HPS6: variants seen among roughly 807,000 people sequenced by gnomAD.
HPS6 encodes HPS6 biogenesis of lysosomal organelles complex 2 subunit 3.
A neutral mutation model predicts 53.6 loss-of-function variants in HPS6; 46 were observed. That is an observed-to-expected ratio of 0.86 (90% CI 0.68 to 1.10). The LOEUF is 1.10. HPS6 is among the 50% of genes least tolerant of loss of function. The pLI is 0.00. For missense variants in HPS6, 1,034 were observed against 991.3 expected (o/e 1.04, Z -0.58); for synonymous variants, 535 against 470.8 (o/e 1.14, Z -1.77).
chr10:102,065,386 C>A lies in HPS6; in HGVS notation c.-89C>A. On this transcript the variant is annotated 5_prime_UTR_variant, in exon 1 of 1. Transcript: ENST00000299238. ...CATCCACGGGAGACGGAAGTCTTGG[C>A]CCTGCTCCGCTCCCCCGAGAATCGG... 7.3e-7 allele frequency: 1 copy of A among 1,361,662 alleles called. No homozygotes were observed. The allele number at this position is 1,361,662 out of a possible 1,614,324, so 84.3% of individuals were successfully genotyped here.
rs752065991 is a variant in HPS6 at position 102,066,528 on chromosome 10, A to C, written c.1054A>C (p.Arg352=). Residue 352 remains arginine, a synonymous_variant, in exon 1 of 1, where the codon AGG becomes CGG. Coordinates refer to ENST00000299238, the MANE Select transcript of HPS6 (RefSeq NM_024747.6). ...LLERKVLSTD[R]VHLLEPPAPG... ...GGAGAGGAAGGTCCTAAGTACAGAC[A>C]GGGTACATCTGCTAGAACCGCCAGC... is the stretch of plus-strand genomic sequence containing the variant. 6.2e-7 allele frequency: 1 copy of C among 1,614,176 alleles called. No homozygotes were observed. The highest frequency in any genetic ancestry group is 1.7e-5 in the Admixed American group (1 of 60,028).
At position 102,067,063 on chromosome 10, in the gene HPS6, A is replaced by T; in HGVS notation, c.1589A>T (p.Asp530Val). ...CTCAGGGCCCTGCAGCTCCAGCTAGATGGGAATGGCAAGCTGAGGTCCCAA... is the reference window on the plus strand; with the variant it reads ...CTCAGGGCCCTGCAGCTCCAGCTAGTTGGGAATGGCAAGCTGAGGTCCCAA... Reference protein sequence around the residue: ...ATLRALQLQLDGNGKLRSQAP... With the variant: ...ATLRALQLQLVGNGKLRSQAP... The change falls in exon 1 of 1, where the codon GAT becomes GTT. Residue 530 changes from aspartate (D) to valine (V), a missense_variant. Asp to Val is a radical substitution (Grantham distance 152). Coordinates refer to ENST00000299238, the MANE Select transcript of HPS6 (RefSeq NM_024747.6). The T allele has an allele frequency of 6.2e-7, 1 of 1,614,184 alleles. No homozygotes were observed.
chr10:102,067,636 C>T lies in HPS6; in HGVS notation c.2162C>T (p.Pro721Leu). ...YLPDEVGPPT[P>L]FPEPGAEPPL... ...CCAGATGAGGTGGGGCCCCCAACCCCATTCCCTGAGCCTGGAGCAGAGCCC... is the reference window on the plus strand; with the variant it reads ...CCAGATGAGGTGGGGCCCCCAACCCTATTCCCTGAGCCTGGAGCAGAGCCC... The change falls in exon 1 of 1, where the codon CCA (proline) becomes CTA (leucine). Residue 721 changes from proline (P) to leucine (L), a missense_variant. Transcript: ENST00000299238. The T allele has an allele frequency of 6.2e-7, 1 of 1,614,000 alleles. No homozygotes were observed. The highest frequency in any genetic ancestry group is 8.5e-7 in the Non-Finnish European group (1 of 1,180,032).
rs1027539104 is a variant in HPS6, at chr10:102,067,915, G to A, written c.*113G>A. On this transcript the variant is annotated 3_prime_UTR_variant, in exon 1 of 1. Transcript: ENST00000299238. ...CAGGAAATCATTTCTAGGACACAGT[G>A]ATCAGGGAAGGGTGCCTGGGACTTG... 1.5e-6 allele frequency: 2 copies of A among 1,297,570 alleles called. No individual in the cohort carries two copies. Among genetic ancestry groups the A allele is most frequent in the East Asian group, 4.7e-5 (2 of 42,932 alleles). 80.4% of individuals were successfully genotyped at this position (1,297,570 alleles called of 1,614,324 possible). A position where few individuals can be genotyped will look rare whatever the true frequency, so the allele number is the denominator to read the frequency against.
Position 102,067,906 on chromosome 10 carries a change from G to A in HPS6, c.*104G>A. On this transcript the variant is annotated 3_prime_UTR_variant, in exon 1 of 1. Coordinates refer to ENST00000299238, the MANE Select transcript of HPS6 (RefSeq NM_024747.6). ...TCACTGACACAGGAAATCATTTCTA[G>A]GACACAGTGATCAGGGAAGGGTGCC... The A allele has an allele frequency of 2.2e-6, 3 of 1,371,638 alleles. No individual in the cohort carries two copies. The highest frequency in any genetic ancestry group is 3.1e-6 in the Non-Finnish European group (3 of 963,352). The allele number at this position is 1,371,638 out of a possible 1,614,324, so 85.0% of individuals were successfully genotyped here.
At position 102,066,999 on chromosome 10, in the gene HPS6, GT is replaced by G; in HGVS notation, c.1529del (p.Phe510SerfsTer20). ...IGDQLAQLNT[V>X]FQALPTAAWG... ...AGACCAGCTAGCCCAGCTCAACACC[GT>G]TTTCCAAGCCCTTCCTACAGCAGCC... On this transcript the variant is annotated frameshift_variant, in exon 1 of 1. Coordinates refer to ENST00000299238, the MANE Select transcript of HPS6 (RefSeq NM_024747.6). LOFTEE classifies it high-confidence loss of function. 6.2e-7 allele frequency: 1 copy of G among 1,614,198 alleles called. No homozygotes were observed. The highest frequency in any genetic ancestry group is 1.1e-5 in the South Asian group (1 of 91,088).
At position 102,065,459 on chromosome 10, in the gene HPS6, C is replaced by T; in HGVS notation, c.-16C>T. 2 of 1,549,066 alleles carry T rather than the reference C, an allele frequency of 1.3e-6. No homozygotes were observed. Among genetic ancestry groups the T allele is most frequent in the Non-Finnish European group, 1.7e-6 (2 of 1,159,108 alleles). On this transcript the variant is annotated 5_prime_UTR_variant, in exon 1 of 1. Transcript: ENST00000299238. ...GACCTGGGCAAAGCCTGGGCGCGCT[C>T]CCGCGCAGCGGCGCCATGAAGCGCT...
Position 102,066,010 on chromosome 10 carries a change from GC to G in HPS6, c.538del (p.Arg180AlafsTer47). On this transcript the variant is annotated frameshift_variant, in exon 1 of 1. Coordinates refer to ENST00000299238, the MANE Select transcript of HPS6 (RefSeq NM_024747.6). LOFTEE classifies it high-confidence loss of function. ...EPSGEASTSLGRTHVLLHHCP... is the reference protein window; with the variant it reads ...EPSGEASTSLXRTHVLLHHCP... ...AGCGGGGAAGCTAGCACCAGCCTGG[GC>G]CGCACACACGTCCTGCTGCACCACT... 1 of 1,604,180 alleles carries G rather than the reference GC, an allele frequency of 6.2e-7. No individual in the cohort carries two copies. Among genetic ancestry groups the G allele is most frequent in the South Asian group, 1.1e-5 (1 of 91,044 alleles).
At position 102,065,398 on chromosome 10, in the gene HPS6, C is replaced by T. The variant is rs1280020494; in HGVS notation, c.-77C>T. 24 of 1,430,026 alleles carry T rather than the reference C, an allele frequency of 1.7e-5. No homozygotes were observed. Among genetic ancestry groups the T allele is most frequent in the Admixed American group, 7.1e-5 (3 of 42,164 alleles). 88.6% of individuals were successfully genotyped at this position (1,430,026 alleles called of 1,614,324 possible). A position where few individuals can be genotyped will look rare whatever the true frequency, so the allele number is the denominator to read the frequency against. On this transcript the variant is annotated 5_prime_UTR_variant, in exon 1 of 1. Coordinates refer to ENST00000299238, the MANE Select transcript of HPS6 (RefSeq NM_024747.6). Reference sequence around the variant, plus strand: ...ACGGAAGTCTTGGCCCTGCTCCGCTCCCCCGAGAATCGGGCCTCGCCCTGC... The same window carrying T: ...ACGGAAGTCTTGGCCCTGCTCCGCTTCCCCGAGAATCGGGCCTCGCCCTGC...
rs369389149 is a variant in HPS6 at position 102,066,117 on chromosome 10, G to A, written c.643G>A (p.Val215Ile). The A allele has an allele frequency of 1.2e-6, 2 of 1,613,654 alleles. No individual in the cohort carries two copies. The highest frequency in any genetic ancestry group is 1.7e-6 in the Non-Finnish European group (2 of 1,180,042). ...TATTWPGVAH[V>I]LLIWSPGKGK... The stretch of plus-strand genomic sequence containing the variant: ...CACCACCTGGCCTGGCGTGGCCCAC[G>A]TTCTACTCATCTGGAGCCCAGGCAA... Residue 215 changes from valine to isoleucine, a missense_variant, in exon 1 of 1, where the codon GTT becomes ATT. Transcript: ENST00000299238.
At position 102,067,552 on chromosome 10, in the gene HPS6, G is replaced by C. The variant is rs766188880; in HGVS notation, c.2078G>C (p.Arg693Pro). The C allele has an allele frequency of 6.2e-7, 1 of 1,613,374 alleles. No homozygotes were observed. Among genetic ancestry groups the C allele is most frequent in the Non-Finnish European group, 8.5e-7 (1 of 1,180,036 alleles). ...RLDAHLPLLC[R>P]LCPPELAPAE... ...GATGCTCACCTCCCCCTCCTTTGCC[G>C]CCTGTGCCCACCAGAACTGGCTCCA... Residue 693 changes from arginine to proline, a missense_variant, in exon 1 of 1, where the codon CGC becomes CCC. Physicochemically the swap from Arg to Pro is moderately radical, Grantham distance 103. Coordinates refer to ENST00000299238, the MANE Select transcript of HPS6 (RefSeq NM_024747.6).
At position 102,066,039 on chromosome 10, in the gene HPS6, C is replaced by A. The variant is rs1344149984; in HGVS notation, c.565C>A (p.Pro189Thr). ...CACACACGTCCTGCTGCACCACTGC[C>A]CTGCCTTCGGGCTGCTGGCCTCCTG... Reference protein sequence around the residue: ...GRTHVLLHHCPAFGLLASCRQ... With the variant: ...GRTHVLLHHCTAFGLLASCRQ... Residue 189 changes from proline to threonine, a missense_variant, in exon 1 of 1, where the codon CCT (proline) becomes ACT (threonine). Transcript: ENST00000299238. 2 of 1,608,662 alleles carry A rather than the reference C, an allele frequency of 1.2e-6. No individual in the cohort carries two copies. The highest frequency in any genetic ancestry group is 1.7e-6 in the Non-Finnish European group (2 of 1,179,992).
Position 102,066,438 on chromosome 10 carries a change from G to C in HPS6, c.964G>C (p.Gly322Arg). 1 of 1,614,132 alleles carries C rather than the reference G, an allele frequency of 6.2e-7. No homozygotes were observed. The highest frequency in any genetic ancestry group is 8.5e-7 in the Non-Finnish European group (1 of 1,180,026). The change falls in exon 1 of 1, where the codon GGC (glycine) becomes CGC (arginine). Residue 322 changes from glycine (G) to arginine (R), a missense_variant. Coordinates refer to ENST00000299238, the MANE Select transcript of HPS6 (RefSeq NM_024747.6). ...WGSAALGTFQ[G>R]TLACVLGSTL... ...GTCTGCAGCCCTAGGCACATTTCAGGGCACTCTGGCCTGTGTGCTGGGCTC... is the reference window on the plus strand; with the variant it reads ...GTCTGCAGCCCTAGGCACATTTCAGCGCACTCTGGCCTGTGTGCTGGGCTC...
Position 102,065,646 on chromosome 10 carries a change from G to T in HPS6, c.172G>T (p.Val58Phe). 2 of 1,541,922 alleles carry T rather than the reference G, an allele frequency of 1.3e-6. No individual in the cohort carries two copies. Among genetic ancestry groups the T allele is most frequent in the Non-Finnish European group, 1.7e-6 (2 of 1,155,414 alleles). The change falls in exon 1 of 1, where the codon GTC becomes TTC. Residue 58 changes from valine to phenylalanine, a missense_variant. Val to Phe is a conservative substitution (Grantham distance 50). Coordinates refer to ENST00000299238, the MANE Select transcript of HPS6 (RefSeq NM_024747.6). Reference protein sequence around the residue: ...PPGAVAPQLLVASRGPGAELE... With the variant: ...PPGAVAPQLLFASRGPGAELE... Reference sequence around the variant, plus strand: ...TGGGGCGGTAGCCCCACAGCTGCTAGTCGCGTCGCGAGGGCCCGGCGCGGA... The same window carrying T: ...TGGGGCGGTAGCCCCACAGCTGCTATTCGCGTCGCGAGGGCCCGGCGCGGA...
rs2067960590 is a variant in HPS6, at chr10:102,065,515, G to C, written c.41G>C (p.Ser14Thr). 6.4e-7 allele frequency: 1 copy of C among 1,555,010 alleles called. No homozygotes were observed. Among genetic ancestry groups the C allele is most frequent in the East Asian group, 2.4e-5 (1 of 40,824 alleles). The change falls in exon 1 of 1, where the codon AGC becomes ACC. Residue 14 changes from serine (S) to threonine (T), a missense_variant. By Grantham distance (58) the Ser-to-Thr change is moderately conservative. Transcript: ENST00000299238. ...ACTCTGCGGCTGCTCTCGGACCTGAGCGCCTTCGGCGGCGCGGCGCGGCTC... is the reference window on the plus strand; with the variant it reads ...ACTCTGCGGCTGCTCTCGGACCTGACCGCCTTCGGCGGCGCGGCGCGGCTC... ...SGTLRLLSDL[S>T]AFGGAARLRE...
rs775416019 is a variant in HPS6, at chr10:102,066,254, G to A, written c.780G>A (p.Gly260=). The A allele has an allele frequency of 5.0e-6, 8 of 1,613,842 alleles. No individual in the cohort carries two copies. In the African/African-American group the frequency reaches 1.1e-4, roughly 22 times the overall value. The part of the protein sequence containing the change: ...DFRTLLRGLP[G]LLSPREPLAV... ...GGACCCTGCTCCGAGGCCTTCCTGG[G>A]TTGCTGTCCCCCAGGGAGCCACTGG... Residue 260 remains glycine (G), a synonymous_variant, in exon 1 of 1, where the codon GGG becomes GGA. Transcript: ENST00000299238.
At position 102,066,443 on chromosome 10, in the gene HPS6, T is replaced by A. The variant is rs755648032; in HGVS notation, c.969T>A (p.Thr323=). The A allele has an allele frequency of 6.2e-7, 1 of 1,614,122 alleles. No homozygotes were observed. The highest frequency in any genetic ancestry group is 2.2e-5 in the East Asian group (1 of 44,872). The change falls in exon 1 of 1, where the codon ACT becomes ACA. Residue 323 remains threonine, a synonymous_variant. Coordinates refer to ENST00000299238, the MANE Select transcript of HPS6 (RefSeq NM_024747.6). The part of the protein sequence containing the change: ...GSAALGTFQG[T]LACVLGSTLE... Reference sequence around the variant, plus strand: ...CAGCCCTAGGCACATTTCAGGGCACTCTGGCCTGTGTGCTGGGCTCCACAT... The same window carrying A: ...CAGCCCTAGGCACATTTCAGGGCACACTGGCCTGTGTGCTGGGCTCCACAT...
Position 102,065,999 on chromosome 10 carries a change from C to G in HPS6, c.525C>G (p.Ser175Arg). The change falls in exon 1 of 1, where the codon AGC becomes AGG. Residue 175 changes from serine (S) to arginine (R), a missense_variant. By Grantham distance (110) the Ser-to-Arg change is moderately radical. Coordinates refer to ENST00000299238, the MANE Select transcript of HPS6 (RefSeq NM_024747.6). ...CTCTGGAGCCCAGCGGGGAAGCTAG[C>G]ACCAGCCTGGGCCGCACACACGTCC... ...VRTLEPSGEA[S>R]TSLGRTHVLL... 1 of 1,602,514 alleles carries G rather than the reference C, an allele frequency of 6.2e-7. No homozygotes were observed. Among genetic ancestry groups the G allele is most frequent in the Non-Finnish European group, 8.5e-7 (1 of 1,179,826 alleles).
In HPS6 at chr10:102,066,169, G is replaced by A. The variant is rs148715290; in HGVS notation, c.695G>A (p.Arg232Gln). Residue 232 changes from arginine (R) to glutamine (Q), a missense_variant, in exon 1 of 1, where the codon CGG (arginine) becomes CAG (glutamine). Arg to Gln is a conservative substitution (Grantham distance 43, BLOSUM62 1). Transcript: ENST00000299238. ...GKGKVMVAAP[R>Q]LGLSYSKSLN... ...GGCAAAGTGATGGTGGCTGCCCCAC[G>A]GCTTGGTCTCTCCTACAGTAAGAGT... is the stretch of plus-strand genomic sequence containing the variant. 5.9e-5 allele frequency: 95 copies of A among 1,613,804 alleles called. No homozygotes were observed. The African/African-American group carries it at 1.1e-3, about 19-fold the overall frequency.
Sources: gnomAD v4.1 joint callset for allele counts on GRCh38, gnomAD v4.1.1 for gene constraint, MANE v1.5 for transcripts, NCBI Gene and HGNC (gene_info 2026-07-23, HGNC 2026-07-21) for gene names.